The following EXO1 variants were observed in gnomAD, a reference collection of about 807,000 sequenced individuals.
The protein encoded by EXO1 is exonuclease 1.
EXO1 carries 69 observed loss-of-function variants against 84.5 expected under a neutral mutation model. The ratio of observed to expected loss-of-function variants is 0.82; its 90% CI spans 0.67 to 1.00. EXO1 has a LOEUF of 1.00. Among genes scored for constraint, EXO1 ranks in the 50% least tolerant of loss-of-function variants. EXO1 has a pLI of 0.00. For missense variants in EXO1, 1,045 were observed against 1,000.7 expected (o/e 1.04, Z -0.60); for synonymous variants, 373 against 366.1 (o/e 1.02, Z -0.21).
intron 6 of EXO1, among the ~76,000 whole-genome samples, chr1:241,853,750 C>T (rs1660795263): frequency 6.6e-6 from 1 of 152,100 alleles, no homozygotes; most frequent in Non-Finnish European, 1.5e-5. Context: ...CGGTGGCTCA[C>T]ACCAGTAATC....
At chr1:241,883,393 T>C (rs573546949) in intron 14 of EXO1, among the ~76,000 whole-genome samples, 1 of 152,312 alleles carries the variant, frequency 6.6e-6, no homozygotes, top group African/African-American at 2.4e-5. Context: ...GACAGATGCC[T>C]TCTCGCTGTG....
Position 241,875,793 on chromosome 1 carries a change from G to A in EXO1, c.1515-2956G>A, listed in dbSNP as rs10157313. Among the ~76,000 whole-genome samples the A allele has an allele frequency of 5.5e-3, 844 of 152,288 alleles. 10 individuals carry two copies. The highest frequency in any genetic ancestry group is 0.019 in the African/African-American group (798 of 41,556). ...TTTGGGAGGCTGAGGCAGGAGAATC[G>A]CTTGAACCCGGGAGGCGGAGGTTGC... On this transcript the variant is annotated intron_variant, in intron 12 of 15. Coordinates refer to ENST00000366548, the MANE Select transcript of EXO1 (RefSeq NM_130398.4).
At chr1:241,869,724 TTCCTTCCTTCCTTCCCTCCCTCCC>T (rs1661968270) in intron 11 of EXO1, among the ~76,000 whole-genome samples, 1 of 148,058 alleles carries the variant, frequency 6.8e-6, no homozygotes, top group East Asian at 2.0e-4. Context: ...TACATTCATC[TTCCTTCCTTCCTTCCCTCCCTCCC>T]TCCTTCCTTC....
rs143189534 is a variant in EXO1 at position 241,850,550 on chromosome 1, G to A, written c.125G>A (p.Cys42Tyr). The A allele has an allele frequency of 1.9e-5, 31 of 1,613,992 alleles. No individual in the cohort carries two copies. Among genetic ancestry groups the A allele is most frequent in the Non-Finnish European group, 2.5e-5 (29 of 1,179,938 alleles). ...YCWLHKGAIA[C>Y]AEKLAKGEPT... ...TGGCTTCACAAAGGAGCTATTGCTT[G>A]TGCTGAAAAACTAGCCAAAGGTGAA... The change falls in exon 4 of 16, where the codon TGT becomes TAT. Residue 42 changes from cysteine (C) to tyrosine (Y), a missense_variant. Coordinates refer to ENST00000366548, the MANE Select transcript of EXO1 (RefSeq NM_130398.4).
chr1:241,849,049 A>G (rs955528611), intron 2 of EXO1, 22 bp downstream of exon 2: 1 of 152,216 alleles, frequency 6.6e-6, no homozygotes, highest in Non-Finnish European at 1.5e-5. Flanking sequence ...TTTTTCTGAA[A>G]CTGTGGCTTG....
chr1:241,880,527 A>G (rs924363315), intron 13 of EXO1, among the ~76,000 whole-genome samples: 9 of 152,174 alleles, frequency 5.9e-5, no homozygotes, highest in Non-Finnish European at 1.0e-4. Flanking sequence ...AGAAATGTGA[A>G]TCCTCCTCCC....
Position 241,853,395 on chromosome 1 carries a change from C to A in EXO1, c.319C>A (p.Leu107Ile), listed in dbSNP as rs1358316501. The stretch of plus-strand genomic sequence containing the variant: ...CAATCTTCTTAAGGGAAAGCAACTT[C>A]TTCGTGAGGGGAAAGTCTCGGAAGC... Reference protein sequence around the residue: ...QANLLKGKQLLREGKVSEARE... With the variant: ...QANLLKGKQLIREGKVSEARE... The change falls in exon 6 of 16, where the codon CTT (leucine) becomes ATT (isoleucine). Residue 107 changes from leucine (L) to isoleucine (I), a missense_variant. Leu to Ile is a conservative substitution (Grantham distance 5). Transcript: ENST00000366548. 3.7e-6 allele frequency: 6 copies of A among 1,613,838 alleles called. No homozygotes were observed. Among genetic ancestry groups the A allele is most frequent in the Admixed American group, 1.7e-5 (1 of 59,996 alleles).
intron 3 of EXO1, 29 bp from the exon 4 acceptor site, chr1:241,850,380 A>G (rs1558119070): frequency 7.1e-7 from 1 of 1,408,652 alleles, no homozygotes; most frequent in Admixed American, 1.7e-5. Context: ...TTTAAATATT[A>G]CTGTTCTCCC....
At position 241,879,061 on chromosome 1, in the gene EXO1, T is replaced by C. The variant is rs151174115; in HGVS notation, c.1827T>C (p.Phe609=). The C allele has an allele frequency of 3.7e-6, 6 of 1,614,118 alleles. No individual in the cohort carries two copies. The African/African-American group carries it at 5.3e-5, about 14-fold the overall frequency. ...PPTLGTLRSC[F]SWSGGLGDFS... is the part of the protein sequence containing the mutation. ...CTTTGGGAACACTAAGAAGTTGTTT[T>C]AGTTGGTCTGGAGGTCTTGGAGATT... The change falls in exon 13 of 16, where the codon TTT becomes TTC. Residue 609 remains phenylalanine (F), a synonymous_variant. Coordinates refer to ENST00000366548, the MANE Select transcript of EXO1 (RefSeq NM_130398.4).
In EXO1 at chr1:241,885,517, C is replaced by T. The variant is rs770973852; in HGVS notation, c.2405+10C>T. On this transcript the variant is annotated intron_variant, in intron 15 of 15. Coordinates refer to ENST00000366548, the MANE Select transcript of EXO1 (RefSeq NM_130398.4). Reference sequence around the variant, plus strand: ...ACTTTGGATTTAAAAAGTGAGTTGCCTTGTTTCTTATTCTGAAACAAGATA... The same window carrying T: ...ACTTTGGATTTAAAAAGTGAGTTGCTTTGTTTCTTATTCTGAAACAAGATA... The T allele has an allele frequency of 1.4e-4, 224 of 1,593,224 alleles. 2 individuals carry two copies. The Middle Eastern group carries it at 6.1e-3, about 44-fold the overall frequency.
chr1:241,866,207 G>T (rs1661713937), intron 10 of EXO1, among the ~76,000 whole-genome samples: 1 of 152,142 alleles, frequency 6.6e-6, no homozygotes, highest in South Asian at 2.1e-4. Context: ...TCTGCCTCCT[G>T]GGTTCAAGTG....
intron 12 of EXO1, among the ~76,000 whole-genome samples, chr1:241,878,477 CAG>C (rs1185700766): frequency 7.7e-6 from 1 of 129,704 alleles, no homozygotes; most frequent in African/African-American, 3.0e-5. Flanking sequence ...AGCCTGGTGA[CAG>C]AGAGAGACTC....
At chr1:241,881,789 ATT>A in intron 13 of EXO1, 125 bp from the exon 14 acceptor site, 2 of 556,650 alleles carry the variant, frequency 3.6e-6, no homozygotes, top group Non-Finnish European at 6.5e-6. Context: ...CATATTATTC[ATT>A]TTCTTTTATT....
Position 241,861,408 on chromosome 1 carries a change from A to G in EXO1, c.947A>G (p.Tyr316Cys). The change falls in exon 10 of 16, where the codon TAT (tyrosine) becomes TGT (cysteine). Residue 316 changes from tyrosine (Y) to cysteine (C), a missense_variant and splice_region_variant. Transcript: ENST00000366548. ...TTTCCTTAATCTTGCTAATCTAGAT[A>G]TGTTGATGATTCCATAGCTCTTCAA... Reference protein sequence around the residue: ...DPETLSYAGQYVDDSIALQIA... With the variant: ...DPETLSYAGQCVDDSIALQIA... 2 of 1,422,544 alleles carry G rather than the reference A, an allele frequency of 1.4e-6. No individual in the cohort carries two copies. The highest frequency in any genetic ancestry group is 2.0e-6 in the Non-Finnish European group (2 of 1,005,092). 88.1% of individuals were successfully genotyped at this position (1,422,544 alleles called of 1,614,324 possible). A position where few individuals can be genotyped will look rare whatever the true frequency, so the allele number is the denominator to read the frequency against.
Position 241,879,100 on chromosome 1 carries a change from G to A in EXO1, c.1866G>A (p.Pro622=), listed in dbSNP as rs375019975. The change falls in exon 13 of 16, where the codon CCG becomes CCA. Residue 622 remains proline (P), a synonymous_variant. Coordinates refer to ENST00000366548, the MANE Select transcript of EXO1 (RefSeq NM_130398.4). ...GTCTTGGAGATTTTTCAAGAACGCC[G>A]AGCCCCTCTCCAAGCACAGCATTGC... The part of the protein sequence containing the change: ...SGGLGDFSRT[P]SPSPSTALQQ... 139 of 1,613,858 alleles carry A rather than the reference G, an allele frequency of 8.6e-5. No homozygotes were observed. The highest frequency in any genetic ancestry group is 4.1e-4 in the African/African-American group (31 of 74,904).
chr1:241,867,007 G>A lies in EXO1; in HGVS notation c.1219G>A (p.Gly407Arg). ...VGVERVISTK[G>R]LNLPRKSSIV... ...AGTGGAACGAGTGATTAGTACTAAA[G>A]GGTTAAATCTCCCAAGGAAATCATC... Residue 407 changes from glycine (G) to arginine (R), a missense_variant, in exon 11 of 16, where the codon GGG (glycine) becomes AGG (arginine). Coordinates refer to ENST00000366548, the MANE Select transcript of EXO1 (RefSeq NM_130398.4). 1.9e-6 allele frequency: 3 copies of A among 1,614,022 alleles called. No homozygotes were observed. Among genetic ancestry groups the A allele is most frequent in the Non-Finnish European group, 2.5e-6 (3 of 1,179,952 alleles).
In EXO1 at chr1:241,872,050, AC is replaced by A. The variant is rs1662130211; in HGVS notation, c.1288del (p.Leu430CysfsTer2). The A allele has an allele frequency of 1.2e-6, 2 of 1,613,168 alleles. No individual in the cohort carries two copies. Among genetic ancestry groups the A allele is most frequent in the East Asian group, 2.2e-5 (1 of 44,860 alleles). On this transcript the variant is annotated frameshift_variant, in exon 12 of 16. Coordinates refer to ENST00000366548, the MANE Select transcript of EXO1 (RefSeq NM_130398.4). LOFTEE classifies it high-confidence loss of function. Reference sequence around the variant, plus strand: ...TATTTAGCAGAGCTGTCAGAAGATGACCTGTTGAGTCAGTATTCTCTTTCAT... The same window carrying A: ...TATTTAGCAGAGCTGTCAGAAGATGACTGTTGAGTCAGTATTCTCTTTCAT... The part of the protein sequence containing the change: ...RPRSAELSED[D>X]LLSQYSLSFT...
In EXO1 at chr1:241,853,420, C is replaced by T. The variant is rs1394917461; in HGVS notation, c.344C>T (p.Ala115Val). The T allele has an allele frequency of 6.2e-7, 1 of 1,613,498 alleles. No homozygotes were observed. Among genetic ancestry groups the T allele is most frequent in the Non-Finnish European group, 8.5e-7 (1 of 1,179,640 alleles). ...QLLREGKVSE[A>V]RECFTRSINI... ...CTTCGTGAGGGGAAAGTCTCGGAAGCTCGAGAGTGTTTCACCCGGTCTATC... is the reference window on the plus strand; with the variant it reads ...CTTCGTGAGGGGAAAGTCTCGGAAGTTCGAGAGTGTTTCACCCGGTCTATC... The change falls in exon 6 of 16, where the codon GCT (alanine) becomes GTT (valine). Residue 115 changes from alanine (A) to valine (V), a missense_variant. Transcript: ENST00000366548.
In EXO1 at chr1:241,885,423, A is replaced by G. The variant is rs1299082383; in HGVS notation, c.2321A>G (p.Gln774Arg). The G allele has an allele frequency of 1.2e-6, 2 of 1,613,964 alleles. No individual in the cohort carries two copies. The highest frequency in any genetic ancestry group is 1.7e-5 in the Admixed American group (1 of 60,012). The change falls in exon 15 of 16, where the codon CAG becomes CGG. Residue 774 changes from glutamine to arginine, a missense_variant. By Grantham distance (43) the Gln-to-Arg change is conservative (BLOSUM62 1). Coordinates refer to ENST00000366548, the MANE Select transcript of EXO1 (RefSeq NM_130398.4). ...CTGAGCAAGAAGCCGGCAAGCATCC[A>G]GAAGAGAAAGCATCATAATGCCGAG... ...SGLSKKPASI[Q>R]KRKHHNAENK...
Sources: gnomAD v4.1 joint callset for allele counts (sites outside exome capture counted in the v4.1 genomes callset) on GRCh38, gnomAD v4.1.1 for gene constraint, MANE v1.5 for transcripts, NCBI Gene and HGNC (gene_info 2026-07-23, HGNC 2026-07-21) for gene names.